CPQ: variants seen among roughly 807,000 people sequenced by gnomAD.
The protein encoded by CPQ is Ser-Met dipeptidase.
CPQ carries 37 observed loss-of-function variants against 45.7 expected under a neutral mutation model. The ratio of observed to expected loss-of-function variants is 0.81; its 90% CI spans 0.62 to 1.07. CPQ has a LOEUF of 1.07. CPQ is among the 50% of genes least tolerant of loss of function. CPQ has a pLI of 0.00. For synonymous variants in CPQ, 186 were observed against 205.8 expected (o/e 0.90, Z 0.82); for missense variants, 537 against 572.9 (o/e 0.94, Z 0.64).
intron 1 of CPQ, among the ~76,000 whole-genome samples, chr8:96,649,107 C>A (rs1815550168): frequency 6.6e-6 from 1 of 152,236 alleles, no homozygotes; most frequent in Admixed American, 6.5e-5. Context: ...TCCCAAGTAG[C>A]TGGGACTACA....
chr8:96,874,312 A>G (rs1378227099), intron 3 of CPQ, among the ~76,000 whole-genome samples: 1 of 151,754 alleles, frequency 6.6e-6, no homozygotes, highest in Non-Finnish European at 1.5e-5. Flanking sequence ...TAGAAGTTCT[A>G]TTTGGGATAT....
chr8:96,893,001 C>G (rs1812397618), intron 4 of CPQ, among the ~76,000 whole-genome samples: 1 of 152,260 alleles, frequency 6.6e-6, no homozygotes, highest in South Asian at 2.1e-4. Flanking sequence ...ACATAGTAGT[C>G]TACGTGTTTC....
chr8:96,759,182 A>T (rs1192005914), intron 1 of CPQ, among the ~76,000 whole-genome samples: 2 of 152,018 alleles, frequency 1.3e-5, no homozygotes, highest in African/African-American at 4.8e-5. Context: ...GCTCTGCAGG[A>T]TGGGTTTGTT....
intron 1 of CPQ, among the ~76,000 whole-genome samples, chr8:96,666,989 C>T (rs564348540): frequency 3.6e-4 from 55 of 152,264 alleles, no homozygotes; most frequent in Non-Finnish European, 5.7e-4. Context: ...CCCAGATTTA[C>T]TTCTTCCTTA....
chr8:96,775,548 T>G (rs1389103795), intron 1 of CPQ, among the ~76,000 whole-genome samples: 1 of 152,074 alleles, frequency 6.6e-6, no homozygotes, highest in African/African-American at 2.4e-5. Context: ...TGACCAATTT[T>G]GGGTCAAGTT....
chr8:96,993,808 A>G (rs1198215973), intron 5 of CPQ, among the ~76,000 whole-genome samples: 1 of 152,168 alleles, frequency 6.6e-6, no homozygotes, highest in Non-Finnish European at 1.5e-5. Flanking sequence ...TTCATAGTGT[A>G]TCAACAAGGA....
At chr8:96,743,005 G>T (rs1417051031) in intron 1 of CPQ, among the ~76,000 whole-genome samples, 1 of 152,100 alleles carries the variant, frequency 6.6e-6, no homozygotes, top group Non-Finnish European at 1.5e-5. Flanking sequence ...TGTATTTCCT[G>T]ATTCTGAATG....
At chr8:96,908,726 T>C (rs1812614674) in intron 4 of CPQ, among the ~76,000 whole-genome samples, 1 of 138,598 alleles carries the variant, frequency 7.2e-6, no homozygotes, top group African/African-American at 2.8e-5. Flanking sequence ...GCTATTTCTC[T>C]TTTCAGTTTT....
chr8:97,032,513 C>G lies in CPQ; in HGVS notation c.1053+3019C>G, dbSNP rs563370497. ...GCCACTTCCCAACAACAGCTCTATA[C>G]TGTAGGCTGGGAGCATTCTATAGCT... On this transcript the variant is annotated intron_variant, in intron 6 of 7. Coordinates refer to ENST00000220763, the MANE Select transcript of CPQ (RefSeq NM_016134.4). 5.9e-5 allele frequency among the ~76,000 whole-genome samples: 9 copies of G among 152,340 alleles called. No homozygotes were observed. In the East Asian group the frequency reaches 1.4e-3, roughly 23 times the overall value.
chr8:97,065,372 C>T lies in CPQ; in HGVS notation c.1054-637C>T, dbSNP rs575562331. On this transcript the variant is annotated intron_variant, in intron 6 of 7. Transcript: ENST00000220763. ...AAGAGTTTATGAACTAGTGGCCTGG[C>T]AGCGTTGCCTGGAATTAACAGTGCT... Among the ~76,000 whole-genome samples, 9 of 152,312 alleles carry T rather than the reference C, an allele frequency of 5.9e-5. No homozygotes were observed. In the South Asian group the frequency reaches 1.9e-3, roughly 32 times the overall value.
intron 1 of CPQ, among the ~76,000 whole-genome samples, chr8:96,783,306 A>G (rs1160466937): frequency 2.6e-5 from 4 of 151,466 alleles, no homozygotes; most frequent in African/African-American, 7.3e-5. Context: ...AGAATACCAC[A>G]GACGGAGTAA....
At chr8:96,859,312 A>G (rs1811897900) in intron 3 of CPQ, among the ~76,000 whole-genome samples, 1 of 152,228 alleles carries the variant, frequency 6.6e-6, no homozygotes, top group Non-Finnish European at 1.5e-5. Context: ...ATTTGGGCTT[A>G]GCTCTTTAGT....
chr8:96,963,000 T>C lies in CPQ; in HGVS notation c.850-2935T>C, dbSNP rs139499693. ...ATACCAAAGACCTTATCCTATGGGATATCGCTTAGTTTCCTATCATTCAAA... is the reference window on the plus strand; with the variant it reads ...ATACCAAAGACCTTATCCTATGGGACATCGCTTAGTTTCCTATCATTCAAA... On this transcript the variant is annotated intron_variant, in intron 4 of 7. Transcript: ENST00000220763. 1.4e-3 allele frequency among the ~76,000 whole-genome samples: 208 copies of C among 152,340 alleles called. 1 individual carries two copies. Among genetic ancestry groups the C allele is most frequent in the Non-Finnish European group, 2.1e-3 (142 of 68,024 alleles).
At chr8:96,691,628 A>T (rs1454794187) in intron 1 of CPQ, among the ~76,000 whole-genome samples, 1 of 152,202 alleles carries the variant, frequency 6.6e-6, no homozygotes, top group Non-Finnish European at 1.5e-5. Context: ...AGGACTCAAG[A>T]TCTACATTTG....
chr8:96,645,576 G>C (rs1359955074), intron 1 of CPQ, among the ~76,000 whole-genome samples, 174 bp downstream of exon 1: 1 of 152,148 alleles, frequency 6.6e-6, no homozygotes. Context: ...GCTGGGGAGC[G>C]GCGGGTTGGG....
At chr8:96,730,367 C>G (rs1787566985) in intron 1 of CPQ, among the ~76,000 whole-genome samples, 1 of 152,138 alleles carries the variant, frequency 6.6e-6, no homozygotes, top group Non-Finnish European at 1.5e-5. Flanking sequence ...GTTTGTTCTT[C>G]TTTGGTTAAG....
At chr8:96,785,735 C>G (rs989301031) in intron 2 of CPQ, among the ~76,000 whole-genome samples, 4 of 152,134 alleles carry the variant, frequency 2.6e-5, no homozygotes, top group South Asian at 4.1e-4. Context: ...ACTTTGCACT[C>G]TGAATTGATT....
intron 5 of CPQ, among the ~76,000 whole-genome samples, chr8:96,985,694 G>A (rs1369870896): frequency 6.6e-6 from 1 of 151,888 alleles, no homozygotes; most frequent in Non-Finnish European, 1.5e-5. Context: ...AAGTTTTCTT[G>A]GTATTTTAAC....
intron 3 of CPQ, among the ~76,000 whole-genome samples, chr8:96,872,650 G>C (rs952771008): frequency 1.7e-4 from 26 of 151,808 alleles, no homozygotes; most frequent in African/African-American, 6.0e-4. Context: ...CTCGACTAAT[G>C]GTGGTTGTAT....
Sources: allele counts gnomAD v4.1 joint callset (sites outside exome capture counted in the v4.1 genomes callset), GRCh38; gene constraint gnomAD v4.1.1; transcripts MANE v1.5; gene names NCBI Gene and HGNC (gene_info 2026-07-23, HGNC 2026-07-21).